EHD4: variants seen among roughly 807,000 people sequenced by gnomAD.
EHD4 encodes the protein EH domain containing 4.
EHD4 carries 37 observed loss-of-function variants against 51.0 expected under a neutral mutation model. That is an observed-to-expected ratio of 0.73 (90% CI 0.56 to 0.95). The LOEUF is 0.95. EHD4 is among the 40% of genes least tolerant of loss of function. The pLI is 0.00. For missense variants in EHD4, 632 were observed against 733.1 expected, an observed-to-expected ratio of 0.86 and a Z score of 1.59; for synonymous variants, 297 against 317.3, an observed-to-expected ratio of 0.94 and a Z score of 0.68.
intron 5 of EHD4, among the ~76,000 whole-genome samples, chr15:41,905,861 C>T (rs1026662077): frequency 6.6e-5 from 10 of 152,292 alleles, no homozygotes; most frequent in African/African-American, 1.9e-4. Flanking sequence ...TAATGGATAT[C>T]GGGTCCCACT....
intron 3 of EHD4, among the ~76,000 whole-genome samples, chr15:41,930,364 AC>A (rs1476384232): frequency 6.6e-6 from 1 of 152,214 alleles, no homozygotes; most frequent in African/African-American, 2.4e-5. Context: ...GGCAAACATT[AC>A]TTGCACTGAA....
intron 4 of EHD4, among the ~76,000 whole-genome samples, chr15:41,914,272 C>T (rs1036600397): frequency 4.6e-5 from 7 of 152,272 alleles, no homozygotes; most frequent in African/African-American, 1.4e-4. Flanking sequence ...CTTAACGCAA[C>T]CTGCTGGAGA....
At chr15:41,922,273 C>T (rs903941737) in intron 3 of EHD4, among the ~76,000 whole-genome samples, 16 of 152,224 alleles carry the variant, frequency 1.1e-4, no homozygotes, top group Admixed American at 7.2e-4. Flanking sequence ...CATGTGGGCT[C>T]AGCTACTTGG....
chr15:41,951,492 A>T (rs1347403616), intron 2 of EHD4, among the ~76,000 whole-genome samples: 1 of 152,082 alleles, frequency 6.6e-6, no homozygotes, highest in African/African-American at 2.4e-5. Context: ...TTTGTTAGGA[A>T]AGTAAATCAT....
intron 5 of EHD4, among the ~76,000 whole-genome samples, chr15:41,903,930 C>G (rs2067495453): frequency 6.6e-6 from 1 of 152,182 alleles, no homozygotes; most frequent in Non-Finnish European, 1.5e-5. Context: ...ACTAGCATGT[C>G]ACTCCTGACA....
chr15:41,919,775 C>T (rs1050448428), intron 3 of EHD4, among the ~76,000 whole-genome samples, 153 bp from the exon 4 acceptor site: 22 of 152,286 alleles, frequency 1.4e-4, no homozygotes, highest in African/African-American at 4.3e-4. Context: ...ATGAAAATCA[C>T]GGGCTGGATG....
chr15:41,946,942 C>T (rs1265378069), intron 2 of EHD4, among the ~76,000 whole-genome samples: 1 of 152,184 alleles, frequency 6.6e-6, no homozygotes, highest in Non-Finnish European at 1.5e-5. Flanking sequence ...CAAACATTTC[C>T]TCACCTCTTA....
chr15:41,906,341 CCAGACT>C (rs1284055462), intron 5 of EHD4, among the ~76,000 whole-genome samples: 1 of 152,216 alleles, frequency 6.6e-6, no homozygotes, highest in African/African-American at 2.4e-5. Context: ...TATAAAAACC[CCAGACT>C]CAGCCACACT....
chr15:41,933,639 G>A (rs934752581), intron 3 of EHD4, among the ~76,000 whole-genome samples: 1 of 152,146 alleles, frequency 6.6e-6, no homozygotes, highest in Non-Finnish European at 1.5e-5. Context: ...TAGGCTGGGG[G>A]TTCCCCACTG....
intron 1 of EHD4, among the ~76,000 whole-genome samples, chr15:41,956,200 G>A (rs1053335117): frequency 2.0e-5 from 3 of 152,216 alleles, no homozygotes; most frequent in Non-Finnish European, 2.9e-5. Context: ...CTGATTAAAG[G>A]GATGAACCAG....
At chr15:41,963,563 C>T (rs2067941560) in intron 1 of EHD4, among the ~76,000 whole-genome samples, 2 of 146,314 alleles carry the variant, frequency 1.4e-5, no homozygotes, top group African/African-American at 5.1e-5. Context: ...CGTGCTACTG[C>T]ACTCCAGTGT....
intron 1 of EHD4, among the ~76,000 whole-genome samples, chr15:41,969,067 A>G (rs2067979891): frequency 6.6e-6 from 1 of 152,220 alleles, no homozygotes; most frequent in Non-Finnish European, 1.5e-5. Flanking sequence ...TGTCATCTGC[A>G]AAGAGTTTTA....
intron 5 of EHD4, among the ~76,000 whole-genome samples, chr15:41,908,929 CAG>C (rs1437707069): frequency 6.6e-6 from 1 of 152,216 alleles, no homozygotes; most frequent in African/African-American, 2.4e-5. Context: ...TCCTGCTTTA[CAG>C]AGAGGACTGT....
chr15:41,971,655 G>T (rs946076763), intron 1 of EHD4, among the ~76,000 whole-genome samples: 3 of 152,158 alleles, frequency 2.0e-5, no homozygotes, highest in Non-Finnish European at 2.9e-5. Context: ...TCCACAGGCT[G>T]GTGCGGCTGC....
chr15:41,913,135 C>T (rs1310660422), intron 4 of EHD4, among the ~76,000 whole-genome samples: 1 of 152,192 alleles, frequency 6.6e-6, no homozygotes, highest in African/African-American at 2.4e-5. Context: ...CGTCGGGACA[C>T]CACGTGGGAA....
intron 1 of EHD4, among the ~76,000 whole-genome samples, chr15:41,965,746 G>T (rs2067957719): frequency 6.6e-6 from 1 of 152,198 alleles, no homozygotes; most frequent in Non-Finnish European, 1.5e-5. Flanking sequence ...AACACCTTTT[G>T]TAAGTCAGCT....
chr15:41,913,575 A>G (rs992159097), intron 4 of EHD4, among the ~76,000 whole-genome samples: 2 of 152,214 alleles, frequency 1.3e-5, no homozygotes, highest in African/African-American at 4.8e-5. Context: ...AGTTATTATG[A>G]GAATAAAAGA....
chr15:41,938,833 C>T (rs1566823204), intron 3 of EHD4, among the ~76,000 whole-genome samples: 1 of 152,128 alleles, frequency 6.6e-6, no homozygotes, highest in Admixed American at 6.5e-5. Flanking sequence ...ATAAGAATAC[C>T]AGTTGCTACA....
At chr15:41,968,222 C>G (rs925372863) in intron 1 of EHD4, among the ~76,000 whole-genome samples, 3 of 152,190 alleles carry the variant, frequency 2.0e-5, no homozygotes, top group Non-Finnish European at 4.4e-5. Context: ...TGCACCCTTG[C>G]ACATGCACCC....
Sources: allele counts gnomAD v4.1 joint callset (sites outside exome capture counted in the v4.1 genomes callset), GRCh38; gene constraint gnomAD v4.1.1; transcripts MANE v1.5; gene names NCBI Gene and HGNC (gene_info 2026-07-23, HGNC 2026-07-21).